Variants in PARD3B observed in about 807,000 individuals in gnomAD.
PARD3B encodes partitioning defective 3 homolog B.
A neutral mutation model predicts 130.2 loss-of-function variants in PARD3B; 103 were observed. The ratio of observed to expected loss-of-function variants is 0.79; its 90% CI spans 0.67 to 0.93. The LOEUF (loss-of-function observed/expected upper bound fraction) is 0.93. Among genes scored for constraint, PARD3B ranks in the 40% least tolerant of loss-of-function variants. PARD3B has a pLI of 0.00. For missense variants in PARD3B, 1,609 were observed against 1,499.2 expected, an observed-to-expected ratio of 1.07 and a Z score of -1.21; for synonymous variants, 583 against 553.2, an observed-to-expected ratio of 1.05 and a Z score of -0.76.
chr2:205,320,198 G>T (rs1207663225), intron 18 of PARD3B, among the ~76,000 whole-genome samples: 1 of 136,744 alleles, frequency 7.3e-6, no homozygotes, highest in Non-Finnish European at 1.6e-5. Flanking sequence ...AGAGAGGAAG[G>T]GAAGGGAGGG....
At chr2:204,753,278 C>T (rs923436451) in intron 2 of PARD3B, among the ~76,000 whole-genome samples, 2 of 152,084 alleles carry the variant, frequency 1.3e-5, no homozygotes, top group African/African-American at 4.8e-5. Context: ...GCTGGAAATA[C>T]TGCATTTTAA....
chr2:204,805,666 T>C (rs748253453), intron 2 of PARD3B, among the ~76,000 whole-genome samples: 21 of 152,022 alleles, frequency 1.4e-4, no homozygotes, highest in Non-Finnish European at 2.5e-4. Context: ...TCCTCAAAAA[T>C]CCCAGCAAAC....
chr2:205,096,886 C>T (rs892788217), intron 4 of PARD3B, among the ~76,000 whole-genome samples: 1 of 152,088 alleles, frequency 6.6e-6, no homozygotes, highest in Non-Finnish European at 1.5e-5. Context: ...GATAGTCTTT[C>T]GTATAAATAA....
intron 3 of PARD3B, among the ~76,000 whole-genome samples, chr2:205,000,681 T>C (rs1394135375): frequency 6.6e-6 from 1 of 152,222 alleles, no homozygotes; most frequent in East Asian, 1.9e-4. Context: ...AGGTTCATTT[T>C]ATTCAAACTT....
chr2:204,977,740 A>C (rs917860137), intron 3 of PARD3B, among the ~76,000 whole-genome samples: 1 of 133,476 alleles, frequency 7.5e-6, no homozygotes, highest in African/African-American at 2.8e-5. Flanking sequence ...TGAGCCCGGG[A>C]GGCGGAGCTT....
chr2:204,931,868 C>A (rs981472960), intron 2 of PARD3B, among the ~76,000 whole-genome samples: 2 of 152,154 alleles, frequency 1.3e-5, no homozygotes, highest in African/African-American at 4.8e-5. Context: ...TCAAGCTTGG[C>A]ATCTCTGAGC....
chr2:205,380,465 A>C (rs1414935476), intron 18 of PARD3B, among the ~76,000 whole-genome samples: 1 of 44,146 alleles, frequency 2.3e-5, no homozygotes, highest in African/African-American at 9.5e-5. Context: ...ATAATATATA[A>C]AGAATATATA....
At chr2:204,727,410 A>G (rs1326484383) in intron 2 of PARD3B, among the ~76,000 whole-genome samples, 1 of 152,230 alleles carries the variant, frequency 6.6e-6, no homozygotes, top group African/African-American at 2.4e-5. Flanking sequence ...GTTTCTAAGC[A>G]TGGATAGGTC....
At chr2:204,830,242 A>C (rs1272690938) in intron 2 of PARD3B, among the ~76,000 whole-genome samples, 2 of 152,132 alleles carry the variant, frequency 1.3e-5, no homozygotes, top group Admixed American at 1.3e-4. Flanking sequence ...ACTAATACAT[A>C]GGATAACTGG....
chr2:205,553,204 C>T, intron 21 of PARD3B, 120 bp from the exon 22 acceptor site: 3 of 863,104 alleles, frequency 3.5e-6, no homozygotes, highest in Middle Eastern at 2.3e-4. Flanking sequence ...GCTTGCTTTT[C>T]CATGGTTGAT....
intron 2 of PARD3B, among the ~76,000 whole-genome samples, chr2:204,785,391 G>T: frequency 6.6e-6 from 1 of 152,018 alleles, no homozygotes; most frequent in Middle Eastern, 3.4e-3. Context: ...GCTGAATTAT[G>T]TGCCAGCCCC....
intron 4 of PARD3B, among the ~76,000 whole-genome samples, chr2:205,083,452 A>T (rs1271480598): frequency 6.6e-6 from 1 of 152,100 alleles, no homozygotes; most frequent in Non-Finnish European, 1.5e-5. Flanking sequence ...AAAAATCAAC[A>T]TCATGGTAGA....
rs150626680 is a variant in PARD3B at position 204,875,710 on chromosome 2, T to C, written c.223-89442T>C. On this transcript the variant is annotated intron_variant, in intron 2 of 22. Coordinates refer to ENST00000406610, the MANE Select transcript of PARD3B (RefSeq NM_001302769.2). ...TTTTTGTTCTCAGAGCAGTTCTTAATCTGTTTTGAGTTTTTACAAGTTCGT... is the reference window on the plus strand; with the variant it reads ...TTTTTGTTCTCAGAGCAGTTCTTAACCTGTTTTGAGTTTTTACAAGTTCGT... Among the ~76,000 whole-genome samples, 778 of 152,322 alleles carry C rather than the reference T, an allele frequency of 5.1e-3. 9 individuals carry two copies. The highest frequency in any genetic ancestry group is 0.017 in the African/African-American group (705 of 41,570).
At chr2:204,981,696 C>A (rs956069066) in intron 3 of PARD3B, among the ~76,000 whole-genome samples, 4 of 152,064 alleles carry the variant, frequency 2.6e-5, no homozygotes, top group African/African-American at 9.7e-5. Context: ...AAGACAGTAA[C>A]CATAATAAAT....
intron 2 of PARD3B, among the ~76,000 whole-genome samples, chr2:204,858,817 A>G (rs2045064719): frequency 6.7e-6 from 1 of 148,724 alleles, no homozygotes; most frequent in Non-Finnish European, 1.5e-5. Context: ...CATATATAAT[A>G]TAACATGTTA....
chr2:204,998,370 GTGTGTATATA>G (rs1249536986), intron 3 of PARD3B, among the ~76,000 whole-genome samples: 1,408 of 94,526 alleles, frequency 0.015, 41 homozygotes, highest in Middle Eastern at 0.033. Context: ...GTGTGTGTGT[GTGTGTATATA>G]TGTGTGTGTA....
rs766856726 is a variant in PARD3B at position 205,113,571 on chromosome 2, G to A, written c.674G>A (p.Ser225Asn). 2.7e-5 allele frequency: 44 copies of A among 1,610,388 alleles called. No homozygotes were observed. In the South Asian group the frequency reaches 4.7e-4, roughly 17 times the overall value. Residue 225 changes from serine (S) to asparagine (N), a missense_variant, in exon 6 of 23, where the codon AGT becomes AAT. Physicochemically the swap from Ser to Asn is conservative, Grantham distance 46. Coordinates refer to ENST00000406610, the MANE Select transcript of PARD3B (RefSeq NM_001302769.2). ...IHVVPFFSSL[S>N]GRILGLFIRG... ...GTAGTGCCCTTCTTTTCATCTCTGAGTGGAAGGTAAGATGTTTTTCTCATT... is the reference window on the plus strand; with the variant it reads ...GTAGTGCCCTTCTTTTCATCTCTGAATGGAAGGTAAGATGTTTTTCTCATT...
In PARD3B at chr2:205,568,232, A is replaced by G. The variant is rs900971916; in HGVS notation, c.3260+14829A>G. ...GTGGTTGCCTTTCGTGAGAGAAAAC[A>G]TATGAGATTAGTAAGATGCCCCAGA... On this transcript the variant is annotated intron_variant, in intron 22 of 22. Transcript: ENST00000406610. The surrounding 1 kb of genome is among the most constrained non-coding windows in gnomAD (Gnocchi z 5.3). Among the ~76,000 whole-genome samples, 3 of 152,198 alleles carry G rather than the reference A, an allele frequency of 2.0e-5. No homozygotes were observed. Among genetic ancestry groups the G allele is most frequent in the African/African-American group, 7.2e-5 (3 of 41,440 alleles).
Position 204,606,962 on chromosome 2 carries a change from C to G in PARD3B, c.120+60843C>G, listed in dbSNP as rs1215975243. ...TTTAAAGAAAGACATTGTTTTCTTG[C>G]ACCTGTCCTCCACTTTGATTCTTGC... On this transcript the variant is annotated intron_variant, in intron 1 of 22. Transcript: ENST00000406610. The surrounding 1 kb of genome is among the most constrained non-coding windows in gnomAD (Gnocchi z 4.0). 6.6e-6 allele frequency among the ~76,000 whole-genome samples: 1 copy of G among 152,088 alleles called. No individual in the cohort carries two copies. The highest frequency in any genetic ancestry group is 1.5e-5 in the Non-Finnish European group (1 of 68,008).
Sources: gnomAD v4.1 joint callset for allele counts (sites outside exome capture counted in the v4.1 genomes callset) on GRCh38, gnomAD v4.1.1 for gene constraint, Gnocchi (gnomAD v3.1) non-coding constraint, MANE v1.5 for transcripts, NCBI Gene and HGNC (gene_info 2026-07-23, HGNC 2026-07-21) for gene names.